Variants in STX5 observed in about 807,000 individuals in gnomAD.
STX5 encodes the protein syntaxin 5.
STX5 carries 15 observed loss-of-function variants against 42.9 expected under a neutral mutation model. The observed-to-expected ratio is 0.35, with a 90% CI of 0.23 to 0.54. The LOEUF (loss-of-function observed/expected upper bound fraction) is 0.54. STX5 is among the 20% of genes least tolerant of loss of function. STX5 has a pLI of 0.91. For missense variants in STX5, 430 were observed against 455.0 expected, an observed-to-expected ratio of 0.95 and a Z score of 0.50; for synonymous variants, 184 against 173.2, an observed-to-expected ratio of 1.06 and a Z score of -0.49.
At chr11:62,826,955 G>A (rs1465500291) in intron 5 of STX5, among the ~76,000 whole-genome samples, 200 bp downstream of exon 5, 1 of 151,974 alleles carries the variant, frequency 6.6e-6, no homozygotes, top group Non-Finnish European at 1.5e-5. Flanking sequence ...GGAGGCTCAG[G>A]CTGGAGGAAA....
intron 10 of STX5, among the ~76,000 whole-genome samples, chr11:62,812,937 C>T (rs1473132169): frequency 6.6e-6 from 1 of 151,490 alleles, no homozygotes; most frequent in Admixed American, 6.6e-5. Flanking sequence ...TATGGTGACA[C>T]CCCATCTCTA....
chr11:62,808,002 T>C (rs2084571770), intron 10 of STX5: 1 of 210,504 alleles, frequency 4.8e-6, no homozygotes, highest in Non-Finnish European at 9.8e-6. Flanking sequence ...AGTATTTACA[T>C]TTTTATCTGG....
At chr11:62,829,924 G>T (rs1322115781) in intron 2 of STX5, among the ~76,000 whole-genome samples, 1 of 151,804 alleles carries the variant, frequency 6.6e-6, no homozygotes, top group African/African-American at 2.4e-5. Context: ...AATTAGCCGG[G>T]CGTGGTGACG....
rs149594069 is a variant in STX5, at chr11:62,825,121, G to A, written c.598-4C>T. 7 of 1,612,786 alleles carry A rather than the reference G, an allele frequency of 4.3e-6. No homozygotes were observed. Among genetic ancestry groups the A allele is most frequent in the Non-Finnish European group, 5.9e-6 (7 of 1,180,004 alleles). ...GGCTCCTCTGCTGCTTCAGGTTCTG[G>A]GGTTGGGGAAAAACGCAAAGGACCT... On this transcript the variant is annotated splice_region_variant and splice_polypyrimidine_tract_variant and intron_variant, in intron 7 of 10. Transcript: ENST00000294179.
intron 2 of STX5, 83 bp downstream of exon 2, chr11:62,830,936 A>T: frequency 1.6e-6 from 2 of 1,284,206 alleles, no homozygotes; most frequent in Non-Finnish European, 2.2e-6. Flanking sequence ...CCCCAAAATT[A>T]CTTCGGTTAA....
chr11:62,811,400 CA>C (rs1214480137), intron 10 of STX5, among the ~76,000 whole-genome samples: 1 of 152,162 alleles, frequency 6.6e-6, no homozygotes, highest in East Asian at 1.9e-4. Context: ...TCCCTGACAC[CA>C]AATTTCTTGC....
At position 62,827,239 on chromosome 11, in the gene STX5, C is replaced by T; in HGVS notation, c.353-14G>A. On this transcript the variant is annotated splice_polypyrimidine_tract_variant and intron_variant, in intron 4 of 10. Transcript: ENST00000294179. ...TGCGCTTTGCCACTACAGAGACAAA[C>T]AAGAAGCCACAATGGGTGAGGTCAA... The T allele has an allele frequency of 2.5e-6, 4 of 1,614,130 alleles. No individual in the cohort carries two copies. The highest frequency in any genetic ancestry group is 3.4e-6 in the Non-Finnish European group (4 of 1,180,014).
In STX5 at chr11:62,831,170, A is replaced by G; in HGVS notation, c.74T>C (p.Val25Ala). The G allele has an allele frequency of 1.3e-6, 2 of 1,563,684 alleles. No homozygotes were observed. The highest frequency in any genetic ancestry group is 1.2e-5 in the South Asian group (1 of 85,246). The change falls in exon 2 of 11, where the codon GTC (valine) becomes GCC (alanine). Residue 25 changes from valine (V) to alanine (A), a missense_variant. Transcript: ENST00000294179. ...GVYLGLSKTQ[V>A]LSPATAGSSS... is the part of the protein sequence containing the mutation. ...ACTGCCAGCAGTTGCAGGGGACAGG[A>G]CCTGTGTCTTTGAGAGACCCAGGTA...
Position 62,807,287 on chromosome 11 carries a change from G to C in STX5, c.*182C>G. ...GTGTTTCATAGGCCTGAGGGTGGTGGGGGGAGGACAGGGTGGCCAGAGGCA... is the reference window on the plus strand; with the variant it reads ...GTGTTTCATAGGCCTGAGGGTGGTGCGGGGAGGACAGGGTGGCCAGAGGCA... On this transcript the variant is annotated 3_prime_UTR_variant, in exon 11 of 11. Transcript: ENST00000294179. 1.2e-6 allele frequency: 1 copy of C among 844,506 alleles called. No homozygotes were observed. The highest frequency in any genetic ancestry group is 1.8e-6 in the Non-Finnish European group (1 of 567,324). 52.3% of individuals were successfully genotyped at this position (844,506 alleles called of 1,614,324 possible).
rs1313762537 is a variant in STX5, at chr11:62,831,826, C to T, written c.-20+128G>A. 3.2e-5 allele frequency: 14 copies of T among 443,752 alleles called. No individual in the cohort carries two copies. In the East Asian group the frequency reaches 5.6e-4, roughly 18 times the overall value. 27.5% of individuals were successfully genotyped at this position (443,752 alleles called of 1,614,324 possible). A position where few individuals can be genotyped will look rare whatever the true frequency, so the allele number is the denominator to read the frequency against. ...ATTGGACGGCAAGGAATTCGCTCAC[C>T]CGGAGCCGGGCCGGCAGGACTTGCC... On this transcript the variant is annotated intron_variant, in intron 1 of 10. Transcript: ENST00000294179.
chr11:62,823,564 G>C (rs1192619670), intron 10 of STX5, among the ~76,000 whole-genome samples: 1 of 151,360 alleles, frequency 6.6e-6, no homozygotes, highest in African/African-American at 2.4e-5. Flanking sequence ...TTATTTTTTT[G>C]ACACAGAATC....
chr11:62,825,969 A>G (rs1170536792), intron 5 of STX5, among the ~76,000 whole-genome samples: 1 of 152,196 alleles, frequency 6.6e-6, no homozygotes, highest in Non-Finnish European at 1.5e-5. Context: ...CTATTTTCAT[A>G]CACACAATTC....
In STX5 at chr11:62,830,954, G is replaced by A; in HGVS notation, c.225+65C>T. On this transcript the variant is annotated intron_variant, in intron 2 of 10. Coordinates refer to ENST00000294179, the MANE Select transcript of STX5 (RefSeq NM_003164.5). ...CAAAATTACTTCGGTTAACAGTGGTGGAGCACAGTCCTTCCTAGATTTGAG... is the reference window on the plus strand; with the variant it reads ...CAAAATTACTTCGGTTAACAGTGGTAGAGCACAGTCCTTCCTAGATTTGAG... 2.8e-6 allele frequency: 4 copies of A among 1,418,676 alleles called. No homozygotes were observed. The South Asian group carries it at 3.7e-5, about 13-fold the overall frequency. The allele number at this position is 1,418,676 out of a possible 1,614,324, so 87.9% of individuals were successfully genotyped here.
intron 10 of STX5, among the ~76,000 whole-genome samples, chr11:62,817,479 G>A (rs2084686154): frequency 6.6e-6 from 1 of 152,116 alleles, no homozygotes; most frequent in Non-Finnish European, 1.5e-5. Context: ...AAACAAAAAA[G>A]TCAACATTCT....
Position 62,824,241 on chromosome 11 carries a change from G to A in STX5, c.833C>T (p.Ser278Leu), listed in dbSNP as rs1383465486. ...GATGGAGCCCAACTCAACAATTGTC[G>A]ACTCAATGTTCTGCATGGTGTCTGC... ...SRADTMQNIE[S>L]TIVELGSIFQ... Residue 278 changes from serine (S) to leucine (L), a missense_variant, in exon 10 of 11, where the codon TCG becomes TTG. Ser to Leu is a moderately radical substitution (Grantham distance 145, BLOSUM62 -2). Coordinates refer to ENST00000294179, the MANE Select transcript of STX5 (RefSeq NM_003164.5). 8 of 1,614,084 alleles carry A rather than the reference G, an allele frequency of 5.0e-6. No individual in the cohort carries two copies. Among genetic ancestry groups the A allele is most frequent in the East Asian group, 4.5e-5 (2 of 44,880 alleles).
chr11:62,817,172 C>G (rs1451373048), intron 10 of STX5, among the ~76,000 whole-genome samples: 1 of 152,068 alleles, frequency 6.6e-6, no homozygotes, highest in Non-Finnish European at 1.5e-5. Flanking sequence ...AAGTGATCCA[C>G]CTGCCTCAGC....
At chr11:62,820,700 C>T (rs758398944) in intron 10 of STX5, among the ~76,000 whole-genome samples, 8 of 151,186 alleles carry the variant, frequency 5.3e-5, no homozygotes, top group Non-Finnish European at 1.2e-4. Context: ...TCAGTAGAGA[C>T]GGGGTTTCAC....
In STX5 at chr11:62,831,121, C is replaced by T. The variant is rs372705993; in HGVS notation, c.123G>A (p.Leu41=). The change falls in exon 2 of 11, where the codon CTG becomes CTA. Residue 41 remains leucine (L), a synonymous_variant. Transcript: ENST00000294179. ...AGSSSSDIAP[L]PPPVTLVPPP... Reference sequence around the variant, plus strand: ...GAGGGACGAGGGTCACTGGGGGGGGCAGAGGGGCGATGTCGCTGCTGCTAC... The same window carrying T: ...GAGGGACGAGGGTCACTGGGGGGGGTAGAGGGGCGATGTCGCTGCTGCTAC... 6.4e-7 allele frequency: 1 copy of T among 1,553,860 alleles called. No individual in the cohort carries two copies. The highest frequency in any genetic ancestry group is 8.7e-7 in the Non-Finnish European group (1 of 1,148,580).
intron 10 of STX5, among the ~76,000 whole-genome samples, chr11:62,822,558 G>A (rs1248204304): frequency 6.6e-6 from 1 of 152,028 alleles, no homozygotes; most frequent in East Asian, 1.9e-4. Flanking sequence ...GCGGGCCTTT[G>A]CCAGGGTCTA....
Sources: allele counts gnomAD v4.1 joint callset (sites outside exome capture counted in the v4.1 genomes callset), GRCh38; gene constraint gnomAD v4.1.1; transcripts MANE v1.5; gene names NCBI Gene and HGNC (gene_info 2026-07-23, HGNC 2026-07-21).